GRID2: variants seen among roughly 807,000 people sequenced by gnomAD.
GRID2 encodes glutamate receptor ionotropic, delta-2.
A neutral mutation model predicts 114.8 loss-of-function variants in GRID2; 33 were observed. The observed-to-expected ratio is 0.29, with a 90% CI of 0.22 to 0.38. The LOEUF (loss-of-function observed/expected upper bound fraction) is 0.38. Ranked by LOEUF, GRID2 falls within the 10% of genes least tolerant of loss-of-function variation. The pLI is 1.00. For synonymous variants in GRID2, 505 were observed against 449.9 expected (o/e 1.12, Z -1.55); for missense variants, 1,184 against 1,257.7 (o/e 0.94, Z 0.89).
intron 1 of GRID2, among the ~76,000 whole-genome samples, chr4:92,437,942 A>G (rs987227240): frequency 6.6e-6 from 1 of 152,102 alleles, no homozygotes; most frequent in Non-Finnish European, 1.5e-5. Context: ...AACTCTTTTT[A>G]CTAGCATTTT....
intron 1 of GRID2, among the ~76,000 whole-genome samples, chr4:92,323,433 T>A (rs1726424569): frequency 6.6e-6 from 1 of 152,114 alleles, no homozygotes; most frequent in African/African-American, 2.4e-5. Flanking sequence ...CTGTTTCATG[T>A]AGAAGTCATT....
chr4:92,486,553 ACACAC>A (rs1722899482), intron 1 of GRID2, among the ~76,000 whole-genome samples: 1 of 113,170 alleles, frequency 8.8e-6, no homozygotes, highest in Non-Finnish European at 1.8e-5. Context: ...TCTTTCACAC[ACACAC>A]ACACACACAC....
At chr4:93,572,708 T>A (rs1489598795) in intron 13 of GRID2, among the ~76,000 whole-genome samples, 1 of 152,100 alleles carries the variant, frequency 6.6e-6, no homozygotes, top group Non-Finnish European at 1.5e-5. Context: ...TATTTATTCA[T>A]TACCTGTGTT....
chr4:92,589,526 C>T (rs1234722631), intron 1 of GRID2, among the ~76,000 whole-genome samples: 2 of 152,106 alleles, frequency 1.3e-5, no homozygotes, highest in African/African-American at 4.8e-5. Context: ...TATAATTATC[C>T]ATTAGGACTT....
At chr4:93,108,624 A>ATTTTTTTTTTCTTTTT (rs1732471559) in intron 3 of GRID2, among the ~76,000 whole-genome samples, 1 of 142,738 alleles carries the variant, frequency 7.0e-6, no homozygotes. Flanking sequence ...TCTGACATGT[A>ATTTTTTTTTTCTTTTT]TTTTTTTTTT....
At chr4:92,600,773 G>A (rs980249973) in intron 2 of GRID2, among the ~76,000 whole-genome samples, 6 of 152,174 alleles carry the variant, frequency 3.9e-5, no homozygotes, top group Admixed American at 1.3e-4. Flanking sequence ...CGGGATCTCC[G>A]TCGCAGAGGG....
intron 14 of GRID2, among the ~76,000 whole-genome samples, chr4:93,675,117 C>T (rs76891637): frequency 0.031 from 4,659 of 152,166 alleles, 107 homozygotes; most frequent in African/African-American, 0.062. Flanking sequence ...TCATCAGCTC[C>T]TTAAAACATC....
At chr4:92,566,870 A>T (rs1194234731) in intron 1 of GRID2, among the ~76,000 whole-genome samples, 3 of 152,138 alleles carry the variant, frequency 2.0e-5, no homozygotes, top group Non-Finnish European at 4.4e-5. Context: ...TTTTCACTGC[A>T]GTGGTTAGGT....
At chr4:92,841,042 A>G (rs1340460327) in intron 2 of GRID2, among the ~76,000 whole-genome samples, 1 of 151,990 alleles carries the variant, frequency 6.6e-6, no homozygotes, top group Non-Finnish European at 1.5e-5. Flanking sequence ...GGTCTCATCA[A>G]GAAGATTTAG....
chr4:93,257,584 A>G (rs1434335017), intron 8 of GRID2, among the ~76,000 whole-genome samples: 2 of 151,780 alleles, frequency 1.3e-5, no homozygotes. Flanking sequence ...TATTTCTCTT[A>G]TCTTCAAGAA....
At chr4:92,930,837 T>G (rs1164260112) in intron 2 of GRID2, among the ~76,000 whole-genome samples, 1 of 151,044 alleles carries the variant, frequency 6.6e-6, no homozygotes, top group Non-Finnish European at 1.5e-5. Context: ...ATAAAATAAT[T>G]GAATATCTAT....
At chr4:92,766,936 T>C (rs949992110) in intron 2 of GRID2, among the ~76,000 whole-genome samples, 16 of 152,190 alleles carry the variant, frequency 1.1e-4, no homozygotes, top group African/African-American at 3.9e-4. Flanking sequence ...ACCCAGGTGA[T>C]TTACTAGGAC....
chr4:93,070,638 C>G (rs1160213888), intron 2 of GRID2, among the ~76,000 whole-genome samples: 1 of 151,956 alleles, frequency 6.6e-6, no homozygotes, highest in Non-Finnish European at 1.5e-5. Context: ...AATGAATATA[C>G]TATATTACCA....
chr4:93,383,521 C>G (rs114819395), intron 8 of GRID2, among the ~76,000 whole-genome samples: 1 of 152,256 alleles, frequency 6.6e-6, no homozygotes, highest in South Asian at 2.1e-4. Context: ...ATATTTATAT[C>G]AGATAGATTC....
chr4:92,341,810 G>T (rs760537199), intron 1 of GRID2, among the ~76,000 whole-genome samples: 28 of 151,704 alleles, frequency 1.8e-4, no homozygotes, highest in Admixed American at 7.2e-4. Flanking sequence ...AGCTTCTTCG[G>T]AGGCTGAGGC....
intron 12 of GRID2, among the ~76,000 whole-genome samples, chr4:93,506,803 T>C (rs990992178): frequency 6.6e-6 from 1 of 152,114 alleles, no homozygotes; most frequent in African/African-American, 2.4e-5. Flanking sequence ...CTGGTATCAT[T>C]CTACCGTGCT....
intron 14 of GRID2, among the ~76,000 whole-genome samples, chr4:93,645,196 G>A (rs1404950997): frequency 1.3e-5 from 2 of 152,188 alleles, no homozygotes; most frequent in Non-Finnish European, 2.9e-5. Flanking sequence ...GAAATCAACG[G>A]AAAGAGGGGA....
chr4:92,861,332 T>C (rs1308875039), intron 2 of GRID2, among the ~76,000 whole-genome samples: 2 of 152,104 alleles, frequency 1.3e-5, no homozygotes, highest in Admixed American at 6.6e-5. Context: ...CACCATATTA[T>C]ATAACCTAAT....
chr4:92,494,988 A>G (rs1463348061), intron 1 of GRID2, among the ~76,000 whole-genome samples: 3 of 152,064 alleles, frequency 2.0e-5, no homozygotes, highest in Non-Finnish European at 4.4e-5. Context: ...AAATTCCAGA[A>G]TAGAGAAAAA....
Sources: gnomAD v4.1 joint callset for allele counts (sites outside exome capture counted in the v4.1 genomes callset) on GRCh38, gnomAD v4.1.1 for gene constraint, MANE v1.5 for transcripts, NCBI Gene and HGNC (gene_info 2026-07-23, HGNC 2026-07-21) for gene names.